PCDHGB4: variants seen among roughly 807,000 people sequenced by gnomAD.
PCDHGB4 encodes protocadherin gamma subfamily B, 4.
PCDHGB4 carries 38 observed loss-of-function variants against 60.5 expected under a neutral mutation model. The observed-to-expected ratio is 0.63, with a 90% CI of 0.48 to 0.82. The LOEUF is 0.82. Among genes scored for constraint, PCDHGB4 ranks in the 40% least tolerant of loss-of-function variants. The probability of loss-of-function intolerance (pLI) is 0.00; values close to 1 mark genes in which losing one functional copy is unlikely to be tolerated. For missense variants in PCDHGB4, 1,109 were observed against 1,209.6 expected (o/e 0.92, Z 1.23); for synonymous variants, 456 against 509.7 (o/e 0.89, Z 1.42).
At chr5:141,467,582 TGCCATTTATTAA>T (rs2099146610) in intron 1 of PCDHGB4, among the ~76,000 whole-genome samples, 2 of 152,216 alleles carry the variant, frequency 1.3e-5, no homozygotes, top group Non-Finnish European at 1.5e-5. Context: ...GTTGTCCCAA[TGCCATTTATTAA>T]GCACTTCATC....
At chr5:141,427,371 G>A (rs772247790) in intron 1 of PCDHGB4, 3 of 458,018 alleles carry the variant, frequency 6.5e-6, no homozygotes, top group East Asian at 6.9e-5. Context: ...ACCCTGGACG[G>A]TGATCACTCT....
intron 1 of PCDHGB4, among the ~76,000 whole-genome samples, chr5:141,456,736 G>A (rs1339661302): frequency 1.3e-5 from 2 of 151,924 alleles, no homozygotes; most frequent in Non-Finnish European, 2.9e-5. Context: ...AGGCTGAGGC[G>A]GGAGCATCAT....
chr5:141,477,629 C>T lies in PCDHGB4; in HGVS notation c.2398-17178C>T, dbSNP rs1191573380. 6.2e-7 allele frequency: 1 copy of T among 1,614,158 alleles called. No homozygotes were observed. Reference sequence around the variant, plus strand: ...CTTGGAGCAAGGAGCTGAAACCGGGCTAGTGGGTCGCTATTTCACAATAAA... The same window carrying T: ...CTTGGAGCAAGGAGCTGAAACCGGGTTAGTGGGTCGCTATTTCACAATAAA... On this transcript the variant is annotated intron_variant, in intron 1 of 3. Coordinates refer to ENST00000519479, the MANE Select transcript of PCDHGB4 (RefSeq NM_003736.4). The surrounding 1 kb of genome is among the most constrained non-coding windows in gnomAD (Gnocchi z 4.9).
At chr5:141,506,103 C>T (rs1001709380) in intron 3 of PCDHGB4, among the ~76,000 whole-genome samples, 2 of 152,144 alleles carry the variant, frequency 1.3e-5, no homozygotes, top group Admixed American at 1.3e-4. Context: ...GTGGTTGTCC[C>T]TGAAGAGTCA....
rs754836894 is a variant in PCDHGB4 at position 141,432,969 on chromosome 5, C to G, written c.2397+42688C>G. ...GGAGGCGGCTTGACAGGAGCGCCGG[C>G]GTCGCACTTTGTGGGCGTGGACGGG... On this transcript the variant is annotated intron_variant, in intron 1 of 3. Coordinates refer to ENST00000519479, the MANE Select transcript of PCDHGB4 (RefSeq NM_003736.4). The surrounding 1 kb of genome is among the most constrained non-coding windows in gnomAD (Gnocchi z 6.0). 5.0e-6 allele frequency: 8 copies of G among 1,614,030 alleles called. No homozygotes were observed. In the Admixed American group the frequency reaches 5.0e-5, roughly 10 times the overall value.
intron 1 of PCDHGB4, chr5:141,433,086 C>A (rs747501244): frequency 1.9e-6 from 3 of 1,614,208 alleles, no homozygotes; most frequent in African/African-American, 2.7e-5. Context: ...CCCAACTATG[C>A]AGACATGCTC....
chr5:141,421,831 G>C lies in PCDHGB4; in HGVS notation c.2397+31550G>C, dbSNP rs201283981. ...AGAGCTAGTACTGGAGGGAAGCCTG[G>C]ACCGAGAGAAAGAGGCTGCTCACCT... On this transcript the variant is annotated intron_variant, in intron 1 of 3. Transcript: ENST00000519479. 68 of 1,613,784 alleles carry C rather than the reference G, an allele frequency of 4.2e-5. 1 individual carries two copies. The East Asian group carries it at 1.4e-3, about 33-fold the overall frequency.
chr5:141,399,321 T>C (rs1356696829), intron 1 of PCDHGB4: 2 of 1,613,978 alleles, frequency 1.2e-6, no homozygotes, highest in Admixed American at 1.7e-5. Context: ...AAAATTCGTA[T>C]AAGTTGGTAA....
At chr5:141,392,957 C>T in intron 1 of PCDHGB4, 1 of 1,613,932 alleles carries the variant, frequency 6.2e-7, no homozygotes, top group Non-Finnish European at 8.5e-7. Flanking sequence ...TGGGTAATAT[C>T]TCCAAGGACC....
At chr5:141,396,447 C>T (rs1200125693) in intron 1 of PCDHGB4, 2 of 152,068 alleles carry the variant, frequency 1.3e-5, no homozygotes, top group South Asian at 2.1e-4. Flanking sequence ...GGTGAAACCC[C>T]GTCTCTACTA....
chr5:141,496,467 T>A (rs1334392771), intron 2 of PCDHGB4, among the ~76,000 whole-genome samples: 1 of 152,056 alleles, frequency 6.6e-6, no homozygotes, highest in Non-Finnish European at 1.5e-5. Context: ...GAGTTATCTT[T>A]CCCCCATCCT....
At chr5:141,478,838 T>C (rs1439577444) in intron 1 of PCDHGB4, 1 of 1,426,484 alleles carries the variant, frequency 7.0e-7, no homozygotes, top group Non-Finnish European at 9.2e-7. Flanking sequence ...TAAGGGATGG[T>C]TAAGCTAAAA....
At chr5:141,463,401 A>T (rs57406832) in intron 1 of PCDHGB4, among the ~76,000 whole-genome samples, 25,027 of 149,108 alleles carry the variant, frequency 0.17, 2,158 homozygotes, top group South Asian at 0.22. Context: ...GGCAAAAAAA[A>T]TGGAGATCCT....
intron 1 of PCDHGB4, chr5:141,403,757 C>G (rs1326659106): frequency 6.2e-7 from 1 of 1,613,766 alleles, no homozygotes; most frequent in Non-Finnish European, 8.5e-7. Flanking sequence ...AGCCAGCGAC[C>G]TGGATGAGGG....
chr5:141,458,350 A>C (rs1259508706), intron 1 of PCDHGB4, among the ~76,000 whole-genome samples: 1 of 152,162 alleles, frequency 6.6e-6, no homozygotes, highest in East Asian at 1.9e-4. Flanking sequence ...GGAGAGTTTA[A>C]TAAGCAAGAA....
At chr5:141,507,798 GCCCT>G (rs2099863561) in intron 3 of PCDHGB4, among the ~76,000 whole-genome samples, 1 of 152,188 alleles carries the variant, frequency 6.6e-6, no homozygotes, top group Admixed American at 6.5e-5. Context: ...CTAAGCCTGC[GCCCT>G]GGGGAACGGA....
At position 141,389,191 on chromosome 5, in the gene PCDHGB4, T is replaced by A; in HGVS notation, c.1307T>A (p.Ile436Asn). The A allele has an allele frequency of 6.2e-7, 1 of 1,614,050 alleles. No individual in the cohort carries two copies. Among genetic ancestry groups the A allele is most frequent in the Non-Finnish European group, 8.5e-7 (1 of 1,179,890 alleles). The part of the protein sequence containing the change: ...GKPPLSSSSS[I>N]TLHIGDVNDN... ...CCTCCCCTCTCCTCCAGTTCCAGCA[T>A]CACCCTGCACATTGGTGATGTAAAT... Residue 436 changes from isoleucine to asparagine, a missense_variant, in exon 1 of 4, where the codon ATC (isoleucine) becomes AAC (asparagine). Transcript: ENST00000519479.
At chr5:141,400,036 C>G (rs1232257433) in intron 1 of PCDHGB4, 28 of 1,613,256 alleles carry the variant, frequency 1.7e-5, no homozygotes, top group Non-Finnish European at 2.4e-5. Context: ...GGCCCGCCAG[C>G]GCCTGCTGGT....
At chr5:141,418,830 G>T (rs371820904) in intron 1 of PCDHGB4, 44 of 1,613,858 alleles carry the variant, frequency 2.7e-5, no homozygotes, top group Non-Finnish European at 3.6e-5. Flanking sequence ...GCAAAAGACC[G>T]AGGATCTCTC....
Sources: gnomAD v4.1 joint callset for allele counts (sites outside exome capture counted in the v4.1 genomes callset) on GRCh38, gnomAD v4.1.1 for gene constraint, Gnocchi (gnomAD v3.1) non-coding constraint, MANE v1.5 for transcripts, NCBI Gene and HGNC (gene_info 2026-07-23, HGNC 2026-07-21) for gene names.